Variants in HP1BP3 observed in about 807,000 individuals in gnomAD.
HP1BP3 encodes the protein heterochromatin protein 1-binding protein 3.
Under a neutral mutation model 62.5 loss-of-function variants are expected in HP1BP3, and 12 were observed. The observed-to-expected ratio is 0.19, with a 90% CI of 0.12 to 0.31. The LOEUF (loss-of-function observed/expected upper bound fraction) is 0.31. Among genes scored for constraint, HP1BP3 ranks in the 10% least tolerant of loss-of-function variants. The pLI, the probability that HP1BP3 is intolerant of heterozygous loss-of-function variation, is 1.00. For missense variants in HP1BP3, 502 were observed against 651.8 expected (o/e 0.77, Z 2.50); for synonymous variants, 260 against 237.8 (o/e 1.09, Z -0.86).
chr1:20,755,499 A>G, intron 9 of HP1BP3: 1 of 355,216 alleles, frequency 2.8e-6, no homozygotes, highest in Non-Finnish European at 6.0e-6. Flanking sequence ...TGCTTGAGCC[A>G]GGGAGGTGGA....
chr1:20,751,109 GGCC>G (rs1417389856), intron 9 of HP1BP3, among the ~76,000 whole-genome samples: 1 of 151,868 alleles, frequency 6.6e-6, no homozygotes, highest in Non-Finnish European at 1.5e-5. Flanking sequence ...GACCCACTGT[GGCC>G]GGCCATTATT....
intron 6 of HP1BP3, among the ~76,000 whole-genome samples, chr1:20,770,208 T>C (rs2056993147): frequency 6.6e-6 from 1 of 152,358 alleles, no homozygotes; most frequent in South Asian, 2.1e-4. Flanking sequence ...ATAGTTTAGA[T>C]ACTAATCAGT....
intron 8 of HP1BP3, among the ~76,000 whole-genome samples, chr1:20,759,924 T>A (rs2056365621): frequency 6.8e-6 from 1 of 147,446 alleles, no homozygotes; most frequent in East Asian, 2.0e-4. Context: ...AGTCTTGCTC[T>A]GTCGCCCAGG....
Position 20,743,862 on chromosome 1 carries a change from G to C in HP1BP3, c.*935C>G, listed in dbSNP as rs2055159893. 1 of 152,088 alleles carries C rather than the reference G, an allele frequency of 6.6e-6. No homozygotes were observed. Among genetic ancestry groups the C allele is most frequent in the African/African-American group, 2.4e-5 (1 of 41,350 alleles). 9.4% of individuals were successfully genotyped at this position (152,088 alleles called of 1,614,324 possible). On this transcript the variant is annotated 3_prime_UTR_variant, in exon 13 of 13. Coordinates refer to ENST00000438032, the MANE Select transcript of HP1BP3 (RefSeq NM_001372052.1). ...GCAGGCGGATCACCTGAGGTCAGGAGTTCGAGACCAGCCTGACCAACACGG... is the reference window on the plus strand; with the variant it reads ...GCAGGCGGATCACCTGAGGTCAGGACTTCGAGACCAGCCTGACCAACACGG...
intron 7 of HP1BP3, among the ~76,000 whole-genome samples, chr1:20,766,924 T>C (rs924245478): frequency 6.6e-6 from 1 of 151,438 alleles, no homozygotes; most frequent in Non-Finnish European, 1.5e-5. Flanking sequence ...GCCCGGGCAA[T>C]AGAGCAAGAT....
chr1:20,784,808 G>A (rs1376058936), intron 1 of HP1BP3, among the ~76,000 whole-genome samples: 2 of 152,050 alleles, frequency 1.3e-5, no homozygotes, highest in Non-Finnish European at 2.9e-5. Context: ...TTTTATATGT[G>A]CCAAAAATAA....
intron 1 of HP1BP3, among the ~76,000 whole-genome samples, chr1:20,786,871 G>A (rs1273751873): frequency 6.6e-6 from 1 of 152,246 alleles, no homozygotes; most frequent in Admixed American, 6.5e-5. Context: ...AGGCGCGCTG[G>A]GACGCAGGGT....
rs957493773 is a variant in HP1BP3, at chr1:20,775,972, T to A, written c.350+625A>T. On this transcript the variant is annotated intron_variant, in intron 4 of 12. Coordinates refer to ENST00000438032, the MANE Select transcript of HP1BP3 (RefSeq NM_001372052.1). ...GCAATTTCTAACTGTTCTGACCAAT[T>A]ATGAAAAGAGTGGAATGAATACTAT... 3.4e-6 allele frequency: 5 copies of A among 1,490,818 alleles called. No individual in the cohort carries two copies. The East Asian group carries it at 1.0e-4, about 30-fold the overall frequency. 92.3% of individuals were successfully genotyped at this position (1,490,818 alleles called of 1,614,324 possible). A position where few individuals can be genotyped will look rare whatever the true frequency, so the allele number is the denominator to read the frequency against.
chr1:20,764,832 G>A (rs1053649845), intron 8 of HP1BP3, among the ~76,000 whole-genome samples: 1 of 151,552 alleles, frequency 6.6e-6, no homozygotes, highest in African/African-American at 2.4e-5. Context: ...CTGAGACTGC[G>A]CTATTGCACT....
At chr1:20,774,343 AACACACACACACACACACAAAC>A (rs1276803919) in intron 4 of HP1BP3, 1 of 148,642 alleles carries the variant, frequency 6.7e-6, no homozygotes, top group Non-Finnish European at 1.5e-5. Context: ...ATCTCCATTA[AACACACACACACACACACAAAC>A]ACACCCACAC....
intron 9 of HP1BP3, chr1:20,755,450 C>G (rs1345774170): frequency 9.4e-6 from 4 of 423,954 alleles, no homozygotes; most frequent in Middle Eastern, 6.7e-4. Context: ...TGGTGCACGC[C>G]TATAATCCCA....
At chr1:20,757,483 T>C (rs2056192115) in intron 8 of HP1BP3, among the ~76,000 whole-genome samples, 1 of 151,922 alleles carries the variant, frequency 6.6e-6, no homozygotes, top group South Asian at 2.1e-4. Flanking sequence ...GCAATTCTCC[T>C]GCCTCAGCCT....
chr1:20,752,390 A>G (rs1404380906), intron 9 of HP1BP3, among the ~76,000 whole-genome samples: 1 of 151,034 alleles, frequency 6.6e-6, no homozygotes, highest in Non-Finnish European at 1.5e-5. Flanking sequence ...CGCCTCCCGG[A>G]TTCCAGCGAT....
At chr1:20,758,249 C>T (rs2056242973) in intron 8 of HP1BP3, among the ~76,000 whole-genome samples, 1 of 152,168 alleles carries the variant, frequency 6.6e-6, no homozygotes, top group Non-Finnish European at 1.5e-5. Flanking sequence ...GGAACTGAGA[C>T]TAGTAAGAAT....
Position 20,740,944 on chromosome 1 carries a change from T to C in HP1BP3, c.*3853A>G, listed in dbSNP as rs2055068782. 6.6e-6 allele frequency among the ~76,000 whole-genome samples: 1 copy of C among 152,238 alleles called. No individual in the cohort carries two copies. The highest frequency in any genetic ancestry group is 1.5e-5 in the Non-Finnish European group (1 of 68,034). ...GGCTTCTAAACAAATCTTTGTCAAGTGGTTCCTAAGCCAAAACTTCAACAG... is the reference window on the plus strand; with the variant it reads ...GGCTTCTAAACAAATCTTTGTCAAGCGGTTCCTAAGCCAAAACTTCAACAG... On this transcript the variant is annotated 3_prime_UTR_variant, in exon 13 of 13. Transcript: ENST00000438032.
intron 6 of HP1BP3, 114 bp from the exon 7 acceptor site, chr1:20,767,778 G>GAA (rs138055687): frequency 1.5e-3 from 730 of 473,830 alleles, no homozygotes; most frequent in East Asian, 1.9e-3. Flanking sequence ...CTTCTTCAGA[G>GAA]AAAAAAAAAA....
At chr1:20,751,996 A>G (rs2055786862) in intron 9 of HP1BP3, among the ~76,000 whole-genome samples, 1 of 152,120 alleles carries the variant, frequency 6.6e-6, no homozygotes, top group African/African-American at 2.4e-5. Flanking sequence ...GCAGTGGCTC[A>G]TGCCTGTAAT....
chr1:20,776,142 A>G (rs181846373), intron 4 of HP1BP3: 7 of 792,458 alleles, frequency 8.8e-6, no homozygotes, highest in Admixed American at 6.6e-5. Flanking sequence ...AAACATATAT[A>G]GACTTTTAGG....
At chr1:20,775,944 A>T (rs1429356836) in intron 4 of HP1BP3, 1 of 1,518,972 alleles carries the variant, frequency 6.6e-7, no homozygotes, top group South Asian at 1.3e-5. Context: ...ACTATAGTTA[A>T]AAGCAATTTC....
Sources: gnomAD v4.1 joint callset for allele counts (sites outside exome capture counted in the v4.1 genomes callset) on GRCh38, gnomAD v4.1.1 for gene constraint, MANE v1.5 for transcripts, NCBI Gene and HGNC (gene_info 2026-07-23, HGNC 2026-07-21) for gene names.